The following EDN1 variants were observed in gnomAD, a reference collection of about 807,000 sequenced individuals.
The protein encoded by EDN1 is endothelin 1.
A neutral mutation model predicts 21.7 loss-of-function variants in EDN1; 11 were observed. The observed-to-expected ratio is 0.51, with a 90% CI of 0.32 to 0.84. The LOEUF is 0.84. Ranked by LOEUF, EDN1 falls within the 40% of genes least tolerant of loss-of-function variation. The probability of loss-of-function intolerance (pLI) is 0.03; values close to 1 mark genes in which losing one functional copy is unlikely to be tolerated. For missense variants in EDN1, 244 were observed against 262.3 expected, an observed-to-expected ratio of 0.93 and a Z score of 0.48; for synonymous variants, 85 against 90.6, an observed-to-expected ratio of 0.94 and a Z score of 0.35.
chr6:12,288,820 T>C (rs1762608780), upstream of EDN1, among the ~76,000 whole-genome samples: 1 of 152,202 alleles, frequency 6.6e-6, no homozygotes, highest in Non-Finnish European at 1.5e-5. Context: ...AGCATGTGTG[T>C]TGTGCCAGTC....
the EDN1 span, among the ~76,000 whole-genome samples, chr6:12,260,123 A>G: frequency 6.6e-6 from 1 of 152,144 alleles, no homozygotes; most frequent in Admixed American, 6.5e-5. Flanking sequence ...GTAGACAAAT[A>G]TATAAAAAAC....
the EDN1 span, among the ~76,000 whole-genome samples, chr6:12,238,260 T>C: frequency 1.3e-5 from 2 of 151,140 alleles, no homozygotes; most frequent in Non-Finnish European, 1.5e-5. Flanking sequence ...TTGGTTTTCG[T>C]GGGAGTTTGG....
Position 12,296,092 on chromosome 6 carries a change from C to T in EDN1, c.*25C>T. The T allele has an allele frequency of 6.2e-7, 1 of 1,601,442 alleles. No individual in the cohort carries two copies. The highest frequency in any genetic ancestry group is 8.6e-7 in the Non-Finnish European group (1 of 1,168,692). On this transcript the variant is annotated 3_prime_UTR_variant, in exon 5 of 5. Transcript: ENST00000379375. The stretch of plus-strand genomic sequence containing the variant: ...ACAGACCTTCGGGGCCTGTCTGAAG[C>T]CATAGCCTCCACGGAGAGCCCTGTG...
the EDN1 span, among the ~76,000 whole-genome samples, chr6:12,261,711 G>GA: frequency 6.6e-6 from 1 of 152,220 alleles, no homozygotes; most frequent in Non-Finnish European, 1.5e-5. Context: ...GTCATCAGGG[G>GA]AAATCCAGGT....
the EDN1 span, among the ~76,000 whole-genome samples, chr6:12,260,908 ACACT>A: frequency 6.6e-6 from 1 of 152,198 alleles, no homozygotes; most frequent in South Asian, 2.1e-4. Flanking sequence ...GAGTGGTGAG[ACACT>A]CAAACAGTGC....
chr6:12,250,263 T>C, the EDN1 span, among the ~76,000 whole-genome samples: 1 of 152,090 alleles, frequency 6.6e-6, no homozygotes, highest in Admixed American at 6.6e-5. Context: ...AAAGATGCAC[T>C]TTTTTGTATT....
chr6:12,276,161 CAAAAAAAAAAAAAAAAAAAA>C, the EDN1 span, among the ~76,000 whole-genome samples: 11 of 68,622 alleles, frequency 1.6e-4, no homozygotes, highest in Non-Finnish European at 2.6e-4. Flanking sequence ...GACTCCATCT[CAAAAAAAAAAAAAAAAAAAA>C]AAAAAAGAAT....
At chr6:12,269,478 T>C in the EDN1 span, among the ~76,000 whole-genome samples, 1 of 152,106 alleles carries the variant, frequency 6.6e-6, no homozygotes, top group Non-Finnish European at 1.5e-5. Context: ...TATATGGCCT[T>C]TATTGTGTTG....
the EDN1 span, among the ~76,000 whole-genome samples, chr6:12,275,225 T>C: frequency 6.6e-6 from 1 of 152,172 alleles, no homozygotes; most frequent in African/African-American, 2.4e-5. Flanking sequence ...AGTTGGCCGC[T>C]TGGGGCTCTT....
the EDN1 span, among the ~76,000 whole-genome samples, chr6:12,265,937 C>G: frequency 0.014 from 2,198 of 152,224 alleles, 51 homozygotes; most frequent in African/African-American, 0.048. Flanking sequence ...TTGAGGGAAC[C>G]CTTCCCTTAT....
chr6:12,245,449 C>T, the EDN1 span, among the ~76,000 whole-genome samples: 1 of 152,182 alleles, frequency 6.6e-6, no homozygotes, highest in Admixed American at 6.5e-5. Context: ...CCAATGAGCC[C>T]AGTGACTTTG....
chr6:12,267,071 C>T, the EDN1 span, among the ~76,000 whole-genome samples: 1 of 152,084 alleles, frequency 6.6e-6, no homozygotes, highest in African/African-American at 2.4e-5. Context: ...TGCAGGTATA[C>T]CTCATTTTAT....
the EDN1 span, among the ~76,000 whole-genome samples, chr6:12,282,417 C>A: frequency 6.6e-6 from 1 of 152,222 alleles, no homozygotes; most frequent in Non-Finnish European, 1.5e-5. Flanking sequence ...AAGCTACTTT[C>A]CAGTTCATGA....
the EDN1 span, among the ~76,000 whole-genome samples, chr6:12,265,551 A>C: frequency 6.6e-6 from 1 of 152,178 alleles, no homozygotes; most frequent in Non-Finnish European, 1.5e-5. Flanking sequence ...GGCCTTCTAC[A>C]AGCTAAGGAA....
the EDN1 span, among the ~76,000 whole-genome samples, chr6:12,279,533 G>C: frequency 6.6e-6 from 1 of 152,218 alleles, no homozygotes; most frequent in Non-Finnish European, 1.5e-5. Context: ...GGCAGGATGC[G>C]GTCAGAGGTC....
the EDN1 span, among the ~76,000 whole-genome samples, chr6:12,240,955 A>G: frequency 6.6e-6 from 1 of 152,244 alleles, no homozygotes; most frequent in East Asian, 1.9e-4. Context: ...ATCAAGGTAG[A>G]AAGCACTGGA....
chr6:12,290,465 C>T lies in EDN1; in HGVS notation c.-165C>T. 1.5e-6 allele frequency: 1 copy of T among 652,460 alleles called. No homozygotes were observed. The highest frequency in any genetic ancestry group is 2.7e-6 in the Non-Finnish European group (1 of 369,070). 40.4% of individuals were successfully genotyped at this position (652,460 alleles called of 1,614,324 possible). ...GCAGACGCTCCGCTCGCTGCCTTCT[C>T]TCCTGGCAGGCGCTGCCTTTTCTCC... On this transcript the variant is annotated 5_prime_UTR_variant, in exon 1 of 5. Coordinates refer to ENST00000379375, the MANE Select transcript of EDN1 (RefSeq NM_001955.5).
chr6:12,277,097 G>A, the EDN1 span, among the ~76,000 whole-genome samples: 1 of 152,174 alleles, frequency 6.6e-6, no homozygotes, highest in Non-Finnish European at 1.5e-5. Context: ...GGAAAATCTA[G>A]TGTGTTATGA....
At position 12,290,671 on chromosome 6, in the gene EDN1, T is replaced by C. The variant is rs1444035458; in HGVS notation, c.42T>C (p.Ala14=). 6.2e-7 allele frequency: 1 copy of C among 1,614,220 alleles called. No individual in the cohort carries two copies. Among genetic ancestry groups the C allele is most frequent in the African/African-American group, 1.3e-5 (1 of 75,068 alleles). The change falls in exon 1 of 5, where the codon GCT becomes GCC. Residue 14 remains alanine (A), a synonymous_variant. Coordinates refer to ENST00000379375, the MANE Select transcript of EDN1 (RefSeq NM_001955.5). ...TGATTTTCTCTCTGCTGTTTGTGGCTTGCCAAGGAGCTCCAGAAACAGGTA... is the reference window on the plus strand; with the variant it reads ...TGATTTTCTCTCTGCTGTTTGTGGCCTGCCAAGGAGCTCCAGAAACAGGTA... ...LLMIFSLLFV[A]CQGAPETAVL...
Sources: gnomAD v4.1 joint callset for allele counts (sites outside exome capture counted in the v4.1 genomes callset) on GRCh38, gnomAD v4.1.1 for gene constraint, MANE v1.5 for transcripts, NCBI Gene and HGNC (gene_info 2026-07-23, HGNC 2026-07-21) for gene names.